The following RIMS3 variants were observed in gnomAD, a reference collection of about 807,000 sequenced individuals.
The protein encoded by RIMS3 is regulating synaptic membrane exocytosis protein 3.
In RIMS3, 15 loss-of-function variants were observed where a neutral mutation model predicts 29.2. The ratio of observed to expected loss-of-function variants is 0.51; its 90% CI spans 0.34 to 0.79. The LOEUF is 0.79. RIMS3 is among the 30% of genes least tolerant of loss of function. RIMS3 has a pLI of 0.01. For synonymous variants in RIMS3, 161 were observed against 170.1 expected, an observed-to-expected ratio of 0.95 and a Z score of 0.41; for missense variants, 342 against 421.4, an observed-to-expected ratio of 0.81 and a Z score of 1.65.
chr1:40,639,279 A>C (rs1170012205), intron 3 of RIMS3, among the ~76,000 whole-genome samples: 1 of 152,182 alleles, frequency 6.6e-6, no homozygotes, highest in Non-Finnish European at 1.5e-5. Flanking sequence ...TTCCAGAGCC[A>C]ATGCCCATGA....
chr1:40,675,101 G>GA, the RIMS3 span, among the ~76,000 whole-genome samples: 1 of 151,580 alleles, frequency 6.6e-6, no homozygotes, highest in African/African-American at 2.4e-5. Context: ...TCTACGAAAG[G>GA]AAAAAAAATT....
chr1:40,654,631 C>T lies in RIMS3; in HGVS notation c.-206-6789G>A, dbSNP rs1642247010. ...GCAGCTACCACAGACTCACACACAT[C>T]ACACAGACCCACAACACACCCTGCC... On this transcript the variant is annotated intron_variant, in intron 1 of 7. Transcript: ENST00000372684. This position sits in a 1 kb window ranked among gnomAD's most constrained non-coding sequence, Gnocchi z 5.3. Among the ~76,000 whole-genome samples, 2 of 151,922 alleles carry T rather than the reference C, an allele frequency of 1.3e-5. No homozygotes were observed. Among genetic ancestry groups the T allele is most frequent in the Non-Finnish European group, 2.9e-5 (2 of 67,958 alleles).
At chr1:40,638,692 T>C (rs1265146143) in intron 3 of RIMS3, among the ~76,000 whole-genome samples, 1 of 152,142 alleles carries the variant, frequency 6.6e-6, no homozygotes, top group Non-Finnish European at 1.5e-5. Flanking sequence ...AGGATGGTCC[T>C]GTGTAGACCC....
At chr1:40,666,564 C>G (rs1642428117), upstream of RIMS3, among the ~76,000 whole-genome samples, 1 of 152,150 alleles carries the variant, frequency 6.6e-6, no homozygotes, top group Admixed American at 6.5e-5. Flanking sequence ...GAAGTCTTTC[C>G]TAGGGTCGTG....
At chr1:40,675,884 T>C in the RIMS3 span, among the ~76,000 whole-genome samples, 1 of 151,586 alleles carries the variant, frequency 6.6e-6, no homozygotes, top group Non-Finnish European at 1.5e-5. Context: ...GTGATGATCG[T>C]GGCACTGTAC....
At chr1:40,678,307 C>T in the RIMS3 span, among the ~76,000 whole-genome samples, 3 of 152,186 alleles carry the variant, frequency 2.0e-5, no homozygotes, top group Non-Finnish European at 4.4e-5. Context: ...ACCTGGGAGG[C>T]TGAGGCAGGA....
chr1:40,686,658 A>G, the RIMS3 span, among the ~76,000 whole-genome samples: 1 of 152,334 alleles, frequency 6.6e-6, no homozygotes, highest in South Asian at 2.1e-4. Flanking sequence ...CTCCGTCTCA[A>G]AAACAAAAAC....
At chr1:40,689,437 A>T in the RIMS3 span, among the ~76,000 whole-genome samples, 1 of 152,128 alleles carries the variant, frequency 6.6e-6, no homozygotes, top group Non-Finnish European at 1.5e-5. Flanking sequence ...GCCTGCCACC[A>T]CACCTGGCTA....
intron 1 of RIMS3, among the ~76,000 whole-genome samples, chr1:40,662,731 GACTAGGT>G (rs1462417711): frequency 4.6e-5 from 7 of 152,232 alleles, no homozygotes; most frequent in African/African-American, 1.7e-4. Flanking sequence ...GCCAGCTCTA[GACTAGGT>G]ACTATACATC....
the RIMS3 span, among the ~76,000 whole-genome samples, chr1:40,686,678 C>G: frequency 6.6e-6 from 1 of 151,994 alleles, no homozygotes; most frequent in Non-Finnish European, 1.5e-5. Flanking sequence ...CAAAAAAAAC[C>G]CTTAATTTTC....
intron 3 of RIMS3, among the ~76,000 whole-genome samples, chr1:40,639,102 C>T (rs189722284): frequency 2.8e-4 from 42 of 152,240 alleles, no homozygotes; most frequent in Admixed American, 7.2e-4. Context: ...TTGCACAGTA[C>T]GGACACACCA....
In RIMS3 at chr1:40,623,580, C is replaced by T. The variant is rs1276310327; in HGVS notation, c.*2937G>A. 1 of 398,584 alleles carries T rather than the reference C, an allele frequency of 2.5e-6. No homozygotes were observed. The highest frequency in any genetic ancestry group is 4.4e-6 in the Non-Finnish European group (1 of 226,108). 24.7% of individuals were successfully genotyped at this position (398,584 alleles called of 1,614,324 possible). A position where few individuals can be genotyped will look rare whatever the true frequency, so the allele number is the denominator to read the frequency against. On this transcript the variant is annotated 3_prime_UTR_variant, in exon 8 of 8. Transcript: ENST00000372684. ...GCAGGGTTTCATCTGGGCAAGGGGGCATTTGGAGCCGGGACACTGAACATG... is the reference window on the plus strand; with the variant it reads ...GCAGGGTTTCATCTGGGCAAGGGGGTATTTGGAGCCGGGACACTGAACATG...
At chr1:40,686,149 C>T in the RIMS3 span, among the ~76,000 whole-genome samples, 1 of 150,874 alleles carries the variant, frequency 6.6e-6, no homozygotes, top group African/African-American at 2.4e-5. Flanking sequence ...AACTCTGTCT[C>T]AAAAGAAAAA....
intron 1 of RIMS3, among the ~76,000 whole-genome samples, chr1:40,659,797 T>C (rs1642325383): frequency 6.6e-6 from 1 of 152,038 alleles, no homozygotes; most frequent in Admixed American, 6.6e-5. Flanking sequence ...CATTCCAGGA[T>C]TGGGGACAAC....
At chr1:40,666,571 C>T (rs778629350), upstream of RIMS3, among the ~76,000 whole-genome samples, 3 of 152,168 alleles carry the variant, frequency 2.0e-5, no homozygotes, top group East Asian at 3.8e-4. Flanking sequence ...TTCCTAGGGT[C>T]GTGCCTGCCC....
rs145116599 is a variant in RIMS3 at position 40,626,583 on chromosome 1, G to A, written c.861C>T (p.Leu287=). Residue 287 remains leucine (L), a synonymous_variant, in exon 8 of 8, where the codon CTC becomes CTT. Coordinates refer to ENST00000372684, the MANE Select transcript of RIMS3 (RefSeq NM_014747.3). The part of the protein sequence containing the change: ...FPTSSVADST[L]GSLTRRLSQS... Reference sequence around the variant, plus strand: ...GGGACAGGCGCCTGGTGAGGGATCCGAGTGTGGAGTCTGCCACTGAGGAGG... The same window carrying A: ...GGGACAGGCGCCTGGTGAGGGATCCAAGTGTGGAGTCTGCCACTGAGGAGG... 3.0e-5 allele frequency: 48 copies of A among 1,613,918 alleles called. No homozygotes were observed. The African/African-American group carries it at 3.2e-4, about 11-fold the overall frequency.
intron 7 of RIMS3, among the ~76,000 whole-genome samples, chr1:40,628,276 C>T (rs1646467799): frequency 1.3e-5 from 2 of 152,184 alleles, no homozygotes; most frequent in South Asian, 2.1e-4. Context: ...GCATGAAGAT[C>T]CCTCCCTCCC....
chr1:40,639,031 T>C (rs1246281502), intron 3 of RIMS3, among the ~76,000 whole-genome samples: 1 of 151,926 alleles, frequency 6.6e-6, no homozygotes, highest in African/African-American at 2.4e-5. Flanking sequence ...GGCTAGATAT[T>C]ATGGGTCCTG....
At chr1:40,690,241 TAGAG>T in the RIMS3 span, 1 of 152,236 alleles carries the variant, frequency 6.6e-6, no homozygotes, top group Non-Finnish European at 1.5e-5. Context: ...TAAACATCTG[TAGAG>T]AGACTTATTT....
Sources: allele counts gnomAD v4.1 joint callset (sites outside exome capture counted in the v4.1 genomes callset), GRCh38; gene constraint gnomAD v4.1.1; non-coding constraint Gnocchi (gnomAD v3.1); transcripts MANE v1.5; gene names NCBI Gene and HGNC (gene_info 2026-07-23, HGNC 2026-07-21).